ABI2: variants seen among roughly 807,000 people sequenced by gnomAD.
ABI2 encodes abelson interactor 2.
ABI2 carries 25 observed loss-of-function variants against 59.2 expected under a neutral mutation model. The ratio of observed to expected loss-of-function variants is 0.42; its 90% CI spans 0.31 to 0.59. The LOEUF (loss-of-function observed/expected upper bound fraction) is 0.59. Among genes scored for constraint, ABI2 ranks in the 20% least tolerant of loss-of-function variants. The pLI is 0.14. For missense variants in ABI2, 545 were observed against 681.8 expected (o/e 0.80, Z 2.23); for synonymous variants, 213 against 235.5 (o/e 0.90, Z 0.87).
At position 203,378,333 on chromosome 2, in the gene ABI2, G is replaced by C. The variant is rs183829761; in HGVS notation, c.286-1875G>C. On this transcript the variant is annotated intron_variant, in intron 2 of 11. Transcript: ENST00000261018. ...TCACCGTGTTAGCCAGGATGGTCTC[G>C]ATCTCCGGACTTTGTGATCCGCCCA... Among the ~76,000 whole-genome samples, 487 of 152,186 alleles carry C rather than the reference G, an allele frequency of 3.2e-3. 3 individuals are homozygous for C. The highest frequency in any genetic ancestry group is 3.4e-3 in the Middle Eastern group (1 of 294).
chr2:203,367,245 T>A (rs2094537774), intron 2 of ABI2: 1 of 654,132 alleles, frequency 1.5e-6, no homozygotes, highest in Admixed American at 4.4e-5. Context: ...GGAAAGTAAA[T>A]CGTAATGAAT....
chr2:203,421,702 C>CA (rs2098214366), intron 11 of ABI2, among the ~76,000 whole-genome samples: 1 of 152,152 alleles, frequency 6.6e-6, no homozygotes, highest in South Asian at 2.1e-4. Flanking sequence ...CATGGTGGCT[C>CA]ACGCCTGTAA....
chr2:203,373,333 C>T (rs1042792427), intron 2 of ABI2, among the ~76,000 whole-genome samples: 35 of 152,248 alleles, frequency 2.3e-4, no homozygotes, highest in South Asian at 2.1e-4. Context: ...CGTGGCGGCG[C>T]GCGCCTGTAA....
chr2:203,368,425 G>A (rs1016058299), intron 2 of ABI2, among the ~76,000 whole-genome samples: 1 of 151,936 alleles, frequency 6.6e-6, no homozygotes, highest in Non-Finnish European at 1.5e-5. Context: ...TTTTAAATGT[G>A]CATATTATTA....
intron 1 of ABI2, among the ~76,000 whole-genome samples, chr2:203,333,376 A>T (rs368978443): frequency 1.3e-5 from 2 of 152,280 alleles, no homozygotes; most frequent in Admixed American, 6.5e-5. Flanking sequence ...CCTTTTAAGG[A>T]TGCTGGGCTT....
chr2:203,385,804 G>A (rs1056801505), intron 4 of ABI2, among the ~76,000 whole-genome samples: 13 of 152,124 alleles, frequency 8.5e-5, no homozygotes, highest in African/African-American at 2.9e-4. Context: ...GTTAGAATCT[G>A]TTTTCAAAAT....
chr2:203,337,291 T>G (rs2076888633), intron 1 of ABI2, among the ~76,000 whole-genome samples: 1 of 152,226 alleles, frequency 6.6e-6, no homozygotes, highest in South Asian at 2.1e-4. Flanking sequence ...TTAACGAATT[T>G]AGTAAAGTTG....
intron 11 of ABI2, among the ~76,000 whole-genome samples, chr2:203,419,311 G>A (rs1020890879): frequency 1.3e-5 from 2 of 151,060 alleles, no homozygotes; most frequent in African/African-American, 4.9e-5. Context: ...GTGGTTTCAC[G>A]GTGGTCTTGA....
intron 1 of ABI2, among the ~76,000 whole-genome samples, chr2:203,358,339 GGTCTTT>G (rs2092728692): frequency 6.6e-6 from 1 of 151,886 alleles, no homozygotes; most frequent in African/African-American, 2.4e-5. Context: ...GTAGAGACAA[GGTCTTT>G]CTCTGTTGCC....
At chr2:203,340,474 C>T (rs2079186573) in intron 1 of ABI2, among the ~76,000 whole-genome samples, 2 of 152,026 alleles carry the variant, frequency 1.3e-5, no homozygotes, top group Admixed American at 6.5e-5. Flanking sequence ...TCAAGTGATG[C>T]TCCCACCTTA....
chr2:203,345,413 C>T lies in ABI2; in HGVS notation c.117+16782C>T, dbSNP rs188274970. 6.8e-4 allele frequency among the ~76,000 whole-genome samples: 103 copies of T among 152,242 alleles called. 1 individual carries two copies. The highest frequency in any genetic ancestry group is 3.4e-3 in the Middle Eastern group (1 of 294). On this transcript the variant is annotated intron_variant, in intron 1 of 11. Transcript: ENST00000261018. The stretch of plus-strand genomic sequence containing the variant: ...CTGTAACATTCACGGCGAGGGTCCA[C>T]GGGTTCATTCTTGAAGTCAGCCAGA...
intron 1 of ABI2, among the ~76,000 whole-genome samples, chr2:203,364,743 T>C (rs2094149111): frequency 6.6e-6 from 1 of 151,852 alleles, no homozygotes; most frequent in African/African-American, 2.4e-5. Flanking sequence ...AATTTTTTTT[T>C]TTTTTTCAAG....
chr2:203,334,524 A>G (rs1460680282), intron 1 of ABI2, among the ~76,000 whole-genome samples: 3 of 152,056 alleles, frequency 2.0e-5, no homozygotes, highest in Non-Finnish European at 2.9e-5. Context: ...TGATTTGCTT[A>G]CACCCACCCC....
Position 203,367,026 on chromosome 2 carries a change from A to G in ABI2, c.267A>G (p.Ser89=). The change falls in exon 2 of 12, where the codon TCA becomes TCG. Residue 89 remains serine (S), a synonymous_variant. Coordinates refer to ENST00000261018, the MANE Select transcript of ABI2 (RefSeq NM_001375670.1). The stretch of plus-strand genomic sequence containing the variant: ...CCCAGCTACGAAGGATGGAATCTTC[A>G]ATCAATCATATTTCACAAGTGAGAC... ...QASQLRRMES[S]INHISQTVDI... 1.2e-6 allele frequency: 2 copies of G among 1,613,652 alleles called. No individual in the cohort carries two copies. The highest frequency in any genetic ancestry group is 1.7e-6 in the Non-Finnish European group (2 of 1,179,770).
intron 9 of ABI2, among the ~76,000 whole-genome samples, chr2:203,404,446 A>C (rs1359048723): frequency 3.3e-5 from 5 of 152,188 alleles, no homozygotes; most frequent in Non-Finnish European, 1.5e-5. Context: ...TTCTGAACTT[A>C]AATTTTGACA....
chr2:203,381,880 TTTTC>T (rs2096152382), intron 3 of ABI2, among the ~76,000 whole-genome samples: 1 of 152,194 alleles, frequency 6.6e-6, no homozygotes, highest in Non-Finnish European at 1.5e-5. Flanking sequence ...AGTAAAATGT[TTTTC>T]TTTCAGGATT....
At position 203,358,396 on chromosome 2, in the gene ABI2, CCTTGT is replaced by C. The variant is rs142293268; in HGVS notation, c.118-8477_118-8473del. On this transcript the variant is annotated intron_variant, in intron 1 of 11. Coordinates refer to ENST00000261018, the MANE Select transcript of ABI2 (RefSeq NM_001375670.1). ...CTCCTGGCCTCAAGTGATTCTTCTG[CCTTGT>C]CTTCCCAAAGTGCCAGGATTACAGG... 6.6e-4 allele frequency among the ~76,000 whole-genome samples: 100 copies of C among 152,202 alleles called. No homozygotes were observed. The East Asian group carries it at 0.017, about 26-fold the overall frequency.
intron 1 of ABI2, among the ~76,000 whole-genome samples, chr2:203,356,178 T>C (rs1320450701): frequency 1.3e-5 from 2 of 152,046 alleles, no homozygotes; most frequent in Non-Finnish European, 2.9e-5. Flanking sequence ...ACTTTTCAGG[T>C]CTGAAAAAAT....
chr2:203,383,124 C>T (rs1301541825), intron 4 of ABI2: 1 of 154,522 alleles, frequency 6.5e-6, no homozygotes, highest in African/African-American at 2.4e-5. Flanking sequence ...TATATTCCTC[C>T]CATCTAATAC....
Sources: allele counts gnomAD v4.1 joint callset (sites outside exome capture counted in the v4.1 genomes callset), GRCh38; gene constraint gnomAD v4.1.1; transcripts MANE v1.5; gene names NCBI Gene and HGNC (gene_info 2026-07-23, HGNC 2026-07-21).